The following CCDC149 variants were observed in gnomAD, a reference collection of about 807,000 sequenced individuals.
The protein encoded by CCDC149 is coiled-coil domain containing 149.
CCDC149 carries 45 observed loss-of-function variants against 59.9 expected under a neutral mutation model. That is an observed-to-expected ratio of 0.75 (90% CI 0.59 to 0.96). The LOEUF (loss-of-function observed/expected upper bound fraction) is 0.96. Ranked by LOEUF, CCDC149 falls within the 40% of genes least tolerant of loss-of-function variation. The pLI is 0.00. For synonymous variants in CCDC149, 245 were observed against 260.6 expected (o/e 0.94, Z 0.58); for missense variants, 584 against 664.7 (o/e 0.88, Z 1.33).
chr4:24,925,171 T>A (rs1427890788), intron 1 of CCDC149, among the ~76,000 whole-genome samples: 5 of 152,208 alleles, frequency 3.3e-5, no homozygotes, highest in African/African-American at 1.2e-4. Context: ...AGGCATTGGA[T>A]AACTGCTGTA....
At chr4:24,933,375 T>A (rs1390029971) in intron 1 of CCDC149, among the ~76,000 whole-genome samples, 1 of 152,114 alleles carries the variant, frequency 6.6e-6, no homozygotes, top group Non-Finnish European at 1.5e-5. Context: ...TTTCTGGATT[T>A]AAAAAAACAA....
In CCDC149 at chr4:24,892,353, T is replaced by G. The variant is rs183331312; in HGVS notation, c.64-15656A>C. ...TTTGTCAAAGGATTAAATGAGATAA[T>G]GAAAAGAAGGCTTTTAGCCCAGTAA... On this transcript the variant is annotated intron_variant, in intron 1 of 12. Coordinates refer to ENST00000635206, the MANE Select transcript of CCDC149 (RefSeq NM_001330643.2). Among the ~76,000 whole-genome samples, 345 of 152,328 alleles carry G rather than the reference T, an allele frequency of 2.3e-3. 3 individuals are homozygous for G. Among genetic ancestry groups the G allele is most frequent in the African/African-American group, 8.1e-3 (335 of 41,574 alleles).
At chr4:24,913,489 G>GT (rs544670180), upstream of CCDC149, among the ~76,000 whole-genome samples, 57 of 152,342 alleles carry the variant, frequency 3.7e-4, 1 homozygote, top group South Asian at 0.011. Flanking sequence ...ACTTAGCATT[G>GT]TTTTTTAAAC....
At chr4:24,920,131 C>T (rs528738585) in intron 1 of CCDC149, among the ~76,000 whole-genome samples, 105 of 152,332 alleles carry the variant, frequency 6.9e-4, no homozygotes, top group African/African-American at 2.5e-3. Flanking sequence ...TATTGCTATA[C>T]AACAAGCTAC....
At chr4:24,918,424 A>C (rs73250627) in intron 1 of CCDC149, among the ~76,000 whole-genome samples, 14,556 of 152,232 alleles carry the variant, frequency 0.096, 745 homozygotes, top group Middle Eastern at 0.12. Context: ...CCACCCCCAT[A>C]CCAGGTCATG....
intron 12 of CCDC149, among the ~76,000 whole-genome samples, chr4:24,814,842 C>T (rs1714909551): frequency 6.6e-6 from 1 of 152,202 alleles, no homozygotes; most frequent in African/African-American, 2.4e-5. Context: ...CTACTCCAGC[C>T]ACACTGAGCC....
chr4:24,850,013 C>T (rs531279687), intron 4 of CCDC149, among the ~76,000 whole-genome samples: 1 of 152,216 alleles, frequency 6.6e-6, no homozygotes, highest in East Asian at 1.9e-4. Flanking sequence ...GTTAGTCCCC[C>T]CTCTGTTGGG....
Position 24,873,738 on chromosome 4 carries a change from T to A in CCDC149, c.226-19A>T. ...CTCCATCCTACAAAGAAACAAATGC[T>A]GCATTTTACTCTTTTAGAAAAATAG... On this transcript the variant is annotated intron_variant, in intron 2 of 12. Transcript: ENST00000635206. The A allele has an allele frequency of 1.3e-6, 2 of 1,595,950 alleles. No homozygotes were observed. Among genetic ancestry groups the A allele is most frequent in the Non-Finnish European group, 1.7e-6 (2 of 1,164,638 alleles).
intron 1 of CCDC149, among the ~76,000 whole-genome samples, chr4:24,976,030 G>A (rs1192148569): frequency 6.8e-6 from 1 of 147,492 alleles, no homozygotes; most frequent in Admixed American, 6.8e-5. Context: ...AGGGAGGGAA[G>A]GAGAGGGAGG....
intron 3 of CCDC149, among the ~76,000 whole-genome samples, chr4:24,872,147 G>A (rs1719081851): frequency 6.6e-6 from 1 of 152,214 alleles, no homozygotes; most frequent in Non-Finnish European, 1.5e-5. Context: ...GGACTTTTCA[G>A]GGAGCTCAAA....
In CCDC149 at chr4:24,836,656, T is replaced by C. The variant is rs987463482; in HGVS notation, c.663-148A>G. The C allele has an allele frequency of 7.0e-5, 41 of 585,662 alleles. 1 individual carries two copies. Among genetic ancestry groups the C allele is most frequent in the Admixed American group, 5.9e-4 (19 of 31,978 alleles). The allele number at this position is 585,662 out of a possible 1,614,324, so 36.3% of individuals were successfully genotyped here. ...GCCTGCTCACCAGAGAGGAGAAACA[T>C]GTGCATCTTTGTGACCTTTCCTTAA... On this transcript the variant is annotated intron_variant, in intron 6 of 12. Coordinates refer to ENST00000635206, the MANE Select transcript of CCDC149 (RefSeq NM_001330643.2).
At chr4:24,922,211 G>A (rs1383281975) in intron 1 of CCDC149, among the ~76,000 whole-genome samples, 1 of 152,194 alleles carries the variant, frequency 6.6e-6, no homozygotes, top group Non-Finnish European at 1.5e-5. Context: ...GAATTTGGGA[G>A]GAGGGCACAA....
intron 1 of CCDC149, among the ~76,000 whole-genome samples, chr4:24,884,088 A>G (rs1720013411): frequency 6.6e-6 from 1 of 152,218 alleles, no homozygotes; most frequent in Non-Finnish European, 1.5e-5. Context: ...TTTGGGAGAC[A>G]GGCAGCTCTC....
chr4:24,929,052 A>G (rs1722513909), intron 1 of CCDC149, among the ~76,000 whole-genome samples: 1 of 152,116 alleles, frequency 6.6e-6, no homozygotes, highest in African/African-American at 2.4e-5. Flanking sequence ...GCTTTTATCC[A>G]CTGGTTCTTT....
intron 1 of CCDC149, among the ~76,000 whole-genome samples, chr4:24,888,273 T>C (rs1009653180): frequency 5.3e-5 from 8 of 152,088 alleles, no homozygotes; most frequent in African/African-American, 1.9e-4. Flanking sequence ...AATATATACA[T>C]AGATATATAG....
At chr4:24,929,225 T>C (rs147697312) in intron 1 of CCDC149, among the ~76,000 whole-genome samples, 168 of 152,256 alleles carry the variant, frequency 1.1e-3, no homozygotes, top group African/African-American at 3.6e-3. Context: ...CTGCTGATTC[T>C]CAAAAACAGC....
rs368332660 is a variant in CCDC149, at chr4:24,853,060, T to A, written c.372+12A>T. 7 of 1,553,758 alleles carry A rather than the reference T, an allele frequency of 4.5e-6. No homozygotes were observed. The highest frequency in any genetic ancestry group is 1.7e-4 in the Middle Eastern group (1 of 5,954). On this transcript the variant is annotated intron_variant, in intron 4 of 12. Coordinates refer to ENST00000635206, the MANE Select transcript of CCDC149 (RefSeq NM_001330643.2). Reference sequence around the variant, plus strand: ...TGCAGCAGAGCTTCTTCCCTGTAAATACTCACAGTACCTTGTTGTCGCCCT... The same window carrying A: ...TGCAGCAGAGCTTCTTCCCTGTAAAAACTCACAGTACCTTGTTGTCGCCCT...
intron 1 of CCDC149, among the ~76,000 whole-genome samples, chr4:24,940,560 G>A (rs552874338): frequency 6.6e-6 from 1 of 152,322 alleles, no homozygotes; most frequent in South Asian, 2.1e-4. Flanking sequence ...AACCTTAAAT[G>A]TAAATGGGCT....
At chr4:24,813,500 A>ATCTATATCTATCTATCTATC in intron 12 of CCDC149, among the ~76,000 whole-genome samples, 1 of 18,168 alleles carries the variant, frequency 5.5e-5, no homozygotes, top group African/African-American at 1.3e-4. Flanking sequence ...ATATATATAT[A>ATCTATATCTATCTATCTATC]TATATATATA....
Sources: allele counts gnomAD v4.1 joint callset (sites outside exome capture counted in the v4.1 genomes callset), GRCh38; gene constraint gnomAD v4.1.1; transcripts MANE v1.5; gene names NCBI Gene and HGNC (gene_info 2026-07-23, HGNC 2026-07-21).